Variants in UTS2B observed in about 807,000 individuals in gnomAD.
UTS2B encodes urotensin-2B.
A neutral mutation model predicts 19.2 loss-of-function variants in UTS2B; 21 were observed. The observed-to-expected ratio is 1.09, with a 90% CI of 0.78 to 1.58. The LOEUF is 1.58. Among genes scored for constraint, UTS2B ranks in the 40% most tolerant of loss-of-function variants. The probability of loss-of-function intolerance (pLI) is 0.00; values close to 1 mark genes in which losing one functional copy is unlikely to be tolerated. For synonymous variants in UTS2B, 57 were observed against 50.2 expected, an observed-to-expected ratio of 1.14 and a Z score of -0.58; for missense variants, 138 against 130.3, an observed-to-expected ratio of 1.06 and a Z score of -0.29.
At chr3:191,297,817 C>T (rs73888531) in intron 4 of UTS2B, among the ~76,000 whole-genome samples, 4,149 of 152,212 alleles carry the variant, frequency 0.027, 167 homozygotes, top group African/African-American at 0.095. Flanking sequence ...TCTCTATTTA[C>T]GAACCAAATT....
chr3:191,325,751 C>A (rs758951400), intron 2 of UTS2B, among the ~76,000 whole-genome samples: 2 of 152,202 alleles, frequency 1.3e-5, no homozygotes, highest in Non-Finnish European at 2.9e-5. Context: ...AGGGACTGCA[C>A]TGCAGACAGG....
intron 3 of UTS2B, among the ~76,000 whole-genome samples, chr3:191,306,194 T>C (rs191483721): frequency 6.6e-6 from 1 of 152,212 alleles, no homozygotes; most frequent in Non-Finnish European, 1.5e-5. Context: ...TTTTCTCTAG[T>C]GCTGTGAAGA....
intron 4 of UTS2B, among the ~76,000 whole-genome samples, chr3:191,293,247 G>T (rs531779906): frequency 6.6e-6 from 1 of 151,968 alleles, no homozygotes; most frequent in South Asian, 2.1e-4. Flanking sequence ...TTGATATCAG[G>T]GCAATACTGG....
chr3:191,295,265 T>C (rs761021405), intron 4 of UTS2B, among the ~76,000 whole-genome samples: 4 of 151,964 alleles, frequency 2.6e-5, no homozygotes, highest in Non-Finnish European at 4.4e-5. Flanking sequence ...AATACTAAAA[T>C]AGCCCTTTCT....
chr3:191,304,760 A>G (rs962125834), intron 3 of UTS2B, among the ~76,000 whole-genome samples: 1 of 152,106 alleles, frequency 6.6e-6, no homozygotes, highest in Non-Finnish European at 1.5e-5. Flanking sequence ...TATACACATT[A>G]TTTCATAACC....
intron 8 of UTS2B, chr3:191,273,667 A>G (rs548385327): frequency 1.9e-4 from 84 of 447,902 alleles, no homozygotes; most frequent in African/African-American, 1.2e-3. Flanking sequence ...GTTAACACCT[A>G]ATAGCCTAAG....
At chr3:191,286,614 A>C (rs1211110127) in intron 4 of UTS2B, among the ~76,000 whole-genome samples, 1 of 152,144 alleles carries the variant, frequency 6.6e-6, no homozygotes, top group Non-Finnish European at 1.5e-5. Context: ...GGATACAGCA[A>C]AAGTAGTTAA....
chr3:191,278,745 A>G (rs997495022), intron 5 of UTS2B, among the ~76,000 whole-genome samples: 1 of 152,004 alleles, frequency 6.6e-6, no homozygotes, highest in African/African-American at 2.4e-5. Context: ...TCAGGTCCCT[A>G]AATGTCTCAG....
chr3:191,280,870 C>T (rs375009860), intron 5 of UTS2B, among the ~76,000 whole-genome samples: 2 of 152,070 alleles, frequency 1.3e-5, no homozygotes, highest in Non-Finnish European at 2.9e-5. Context: ...GAAAGAGCAA[C>T]GTAGACCTAC....
At chr3:191,278,270 G>C in intron 5 of UTS2B, 100 bp from the exon 6 acceptor site, 1 of 607,852 alleles carries the variant, frequency 1.6e-6, no homozygotes, top group Non-Finnish European at 2.8e-6. Flanking sequence ...ATTTGACAAC[G>C]AAAGAAATGT....
intron 4 of UTS2B, among the ~76,000 whole-genome samples, chr3:191,282,794 C>T (rs1033681029): frequency 6.6e-6 from 1 of 152,154 alleles, no homozygotes; most frequent in Non-Finnish European, 1.5e-5. Context: ...AATGGGATCA[C>T]ATTACTGTCT....
rs771859213 is a variant in UTS2B at position 191,267,575 on chromosome 3, A to AG, written c.*840dup. On this transcript the variant is annotated 3_prime_UTR_variant, in exon 9 of 9. Transcript: ENST00000340524. ...ACACAAGATAGTGAAAGCTGGGTCC[A>AG]GGGGGGTCACCACCTTCTGGTCCCA... 3 of 152,202 alleles carry AG rather than the reference A, an allele frequency of 2.0e-5. No homozygotes were observed. Among genetic ancestry groups the AG allele is most frequent in the African/African-American group, 4.8e-5 (2 of 41,442 alleles). 9.4% of individuals were successfully genotyped at this position (152,202 alleles called of 1,614,324 possible). A position where few individuals can be genotyped will look rare whatever the true frequency, so the allele number is the denominator to read the frequency against.
chr3:191,319,781 G>C (rs189983522), intron 2 of UTS2B, among the ~76,000 whole-genome samples: 1 of 150,446 alleles, frequency 6.6e-6, no homozygotes, highest in Admixed American at 6.6e-5. Context: ...GGCAGGAGAC[G>C]TGCTTGAACC....
intron 1 of UTS2B, among the ~76,000 whole-genome samples, chr3:191,329,950 G>A (rs1032030282): frequency 3.4e-4 from 49 of 143,032 alleles, no homozygotes; most frequent in Non-Finnish European, 6.3e-4. Flanking sequence ...GTTGGGGGGG[G>A]GGGGGGCTAG....
chr3:191,335,715 A>T, the UTS2B span, among the ~76,000 whole-genome samples: 1 of 152,184 alleles, frequency 6.6e-6, no homozygotes, highest in East Asian at 1.9e-4. Context: ...TTTCTAATAA[A>T]CCAGAACCAG....
the UTS2B span, among the ~76,000 whole-genome samples, chr3:191,343,470 A>T: frequency 1.3e-5 from 2 of 152,232 alleles, no homozygotes; most frequent in Admixed American, 6.5e-5. Context: ...ATTTTAAGTT[A>T]TCTCTTTATG....
intron 3 of UTS2B, among the ~76,000 whole-genome samples, chr3:191,306,043 A>T (rs972447442): frequency 6.6e-6 from 1 of 152,094 alleles, no homozygotes; most frequent in Non-Finnish European, 1.5e-5. Context: ...TTCTTGTACC[A>T]CTACCATGCT....
the UTS2B span, among the ~76,000 whole-genome samples, chr3:191,335,652 G>A: frequency 6.6e-6 from 1 of 152,028 alleles, no homozygotes; most frequent in Admixed American, 6.6e-5. Flanking sequence ...GTGTGCATAG[G>A]ATAGTTTTTA....
upstream of UTS2B, among the ~76,000 whole-genome samples, chr3:191,334,880 A>G (rs1194800089): frequency 6.6e-6 from 1 of 152,148 alleles, no homozygotes; most frequent in East Asian, 1.9e-4. Flanking sequence ...TTAACATACA[A>G]TTTTTTACAA....
Sources: gnomAD v4.1 joint callset for allele counts (sites outside exome capture counted in the v4.1 genomes callset) on GRCh38, gnomAD v4.1.1 for gene constraint, MANE v1.5 for transcripts, NCBI Gene and HGNC (gene_info 2026-07-23, HGNC 2026-07-21) for gene names.